CPNE8: variants seen among roughly 807,000 people sequenced by gnomAD.
The protein encoded by CPNE8 is copine 8, also known as copine-8.
A neutral mutation model predicts 81.5 loss-of-function variants in CPNE8; 45 were observed. The ratio of observed to expected loss-of-function variants is 0.55; its 90% CI spans 0.44 to 0.71. The LOEUF is 0.71. Among genes scored for constraint, CPNE8 ranks in the 30% least tolerant of loss-of-function variants. The probability of loss-of-function intolerance (pLI) is 0.00; values close to 1 mark genes in which losing one functional copy is unlikely to be tolerated. For missense variants in CPNE8, 594 were observed against 672.1 expected (o/e 0.88, Z 1.28); for synonymous variants, 252 against 226.3 (o/e 1.11, Z -1.02).
At position 38,653,214 on chromosome 12, in the gene CPNE8, A is replaced by C. The variant is rs1009286832; in HGVS notation, c.*668T>G. 2 of 152,644 alleles carry C rather than the reference A, an allele frequency of 1.3e-5. No individual in the cohort carries two copies. The highest frequency in any genetic ancestry group is 2.9e-5 in the Non-Finnish European group (2 of 68,044). 9.5% of individuals were successfully genotyped at this position (152,644 alleles called of 1,614,324 possible). On this transcript the variant is annotated 3_prime_UTR_variant, in exon 20 of 20. Transcript: ENST00000331366. ...CAAACTCCATGAAAAATGCATGTTC[A>C]ACCAGGAGACACATCTGCCGGGCTT...
At chr12:38,743,157 C>G (rs1215301845) in intron 10 of CPNE8, among the ~76,000 whole-genome samples, 1 of 151,924 alleles carries the variant, frequency 6.6e-6, no homozygotes, top group African/African-American at 2.4e-5. Context: ...ATCAAAAAAG[C>G]AAACCCGTTT....
At chr12:38,762,968 C>T (rs1230116149) in intron 8 of CPNE8, among the ~76,000 whole-genome samples, 1 of 152,174 alleles carries the variant, frequency 6.6e-6, no homozygotes, top group Non-Finnish European at 1.5e-5. Context: ...ATGCAATCCT[C>T]CTGCCTCAGC....
chr12:38,805,469 C>A (rs1458727880), intron 6 of CPNE8, among the ~76,000 whole-genome samples: 43 of 93,450 alleles, frequency 4.6e-4, no homozygotes, highest in African/African-American at 1.5e-3. Flanking sequence ...AATGAGATCA[C>A]ATGGACACAG....
intron 6 of CPNE8, among the ~76,000 whole-genome samples, chr12:38,796,465 T>C (rs527549874): frequency 6.6e-6 from 1 of 152,180 alleles, no homozygotes; most frequent in African/African-American, 2.4e-5. Context: ...CATCAAAGCA[T>C]AGTATATAAA....
intron 6 of CPNE8, among the ~76,000 whole-genome samples, chr12:38,828,900 G>A (rs1284078401): frequency 1.3e-5 from 2 of 152,128 alleles, no homozygotes; most frequent in Non-Finnish European, 2.9e-5. Context: ...TGAAGGTGAA[G>A]ATGGAATAGA....
At chr12:38,677,585 A>G (rs1446019131) in intron 16 of CPNE8, 31 bp from the exon 17 acceptor site, 1 of 1,313,698 alleles carries the variant, frequency 7.6e-7, no homozygotes, top group Non-Finnish European at 1.1e-6. Flanking sequence ...AAGGAAAGTA[A>G]AACAGTTTTC....
chr12:38,734,894 T>C (rs1304378690), intron 10 of CPNE8, among the ~76,000 whole-genome samples: 1 of 152,086 alleles, frequency 6.6e-6, no homozygotes, highest in Non-Finnish European at 1.5e-5. Context: ...TATTTTGGAG[T>C]TACACACGCA....
chr12:38,725,070 A>G (rs985337159), intron 11 of CPNE8, among the ~76,000 whole-genome samples, 171 bp from the exon 12 acceptor site: 8 of 152,194 alleles, frequency 5.3e-5, no homozygotes, highest in Non-Finnish European at 7.4e-5. Context: ...ACTTCTCTGC[A>G]AAAGTTAATA....
intron 6 of CPNE8, among the ~76,000 whole-genome samples, chr12:38,783,013 T>C (rs559386194): frequency 6.6e-6 from 1 of 152,294 alleles, no homozygotes; most frequent in East Asian, 1.9e-4. Context: ...GTTGAAATTA[T>C]ATCAGAAAAG....
At chr12:38,781,438 G>A (rs1310072540) in intron 6 of CPNE8, among the ~76,000 whole-genome samples, 1 of 151,902 alleles carries the variant, frequency 6.6e-6, no homozygotes, top group African/African-American at 2.4e-5. Context: ...CAAAAGAAAA[G>A]AATGGAAAGA....
intron 3 of CPNE8, among the ~76,000 whole-genome samples, chr12:38,870,123 A>C (rs1278331000): frequency 2.0e-5 from 3 of 152,256 alleles, no homozygotes; most frequent in Non-Finnish European, 4.4e-5. Context: ...TGATCATTAA[A>C]AAGTCAGGAA....
chr12:38,776,242 C>G lies in CPNE8; in HGVS notation c.467G>C (p.Cys156Ser), dbSNP rs202229702. ...IILTAEELNC[C>S]RDAVLMQFCA... ...ACCAAAGAAATATTTACTTACCCTG[C>G]AACAGTTTAATTCCTCTGCTGTAAG... is the stretch of plus-strand genomic sequence containing the variant. The change falls in exon 7 of 20, where the codon TGC becomes TCC. Residue 156 changes from cysteine to serine, a missense_variant. Physicochemically the swap from Cys to Ser is moderately radical, Grantham distance 112. Transcript: ENST00000331366. The G allele has an allele frequency of 6.5e-7, 1 of 1,537,650 alleles. No individual in the cohort carries two copies. Among genetic ancestry groups the G allele is most frequent in the East Asian group, 2.3e-5 (1 of 43,820 alleles).
chr12:38,807,338 C>T lies in CPNE8; in HGVS notation c.407+22041G>A, dbSNP rs558687126. 4.8e-3 allele frequency among the ~76,000 whole-genome samples: 712 copies of T among 148,618 alleles called. 5 individuals are homozygous for T. The highest frequency in any genetic ancestry group is 0.017 in the African/African-American group (680 of 40,878). ...AACAAAGCTGGAGGCATCACACTAC[C>T]TGACTTCAAACTATACTACAAGGCT... On this transcript the variant is annotated intron_variant, in intron 6 of 19. Coordinates refer to ENST00000331366, the MANE Select transcript of CPNE8 (RefSeq NM_153634.3).
intron 1 of CPNE8, among the ~76,000 whole-genome samples, chr12:38,902,307 GGAAGGAAGGAAAGAAA>G (rs1266661525): frequency 1.6e-4 from 5 of 31,738 alleles, no homozygotes; most frequent in East Asian, 5.9e-4. Context: ...AAGGAAGGAA[GGAAGGAAGGAAAGAAA>G]GAAAGAAAGA....
At chr12:38,684,064 C>A (rs1051415516) in intron 16 of CPNE8, among the ~76,000 whole-genome samples, 6 of 152,056 alleles carry the variant, frequency 3.9e-5, no homozygotes, top group Admixed American at 3.9e-4. Context: ...CAAAAGAATT[C>A]TTGTCATTTT....
At chr12:38,661,683 C>T (rs559329881) in intron 19 of CPNE8, among the ~76,000 whole-genome samples, 1 of 152,136 alleles carries the variant, frequency 6.6e-6, no homozygotes, top group East Asian at 1.9e-4. Flanking sequence ...GATACCAAAA[C>T]CAGACAAGGA....
At chr12:38,696,124 G>GCTGGC (rs1473207763) in intron 14 of CPNE8, among the ~76,000 whole-genome samples, 1 of 152,078 alleles carries the variant, frequency 6.6e-6, no homozygotes, top group African/African-American at 2.4e-5. Flanking sequence ...AACATGCATA[G>GCTGGC]CTGGGCCCTT....
In CPNE8 at chr12:38,733,951, T is replaced by A. The variant is rs147433341; in HGVS notation, c.723-3593A>T. 2.6e-5 allele frequency among the ~76,000 whole-genome samples: 4 copies of A among 152,064 alleles called. No individual in the cohort carries two copies. In the East Asian group the frequency reaches 7.7e-4, roughly 29 times the overall value. ...CCTCTACTTTTGGGGTATTACTCCC[T>A]TATATCACTTATCTTTTACTCTACA... On this transcript the variant is annotated intron_variant, in intron 10 of 19. Transcript: ENST00000331366.
chr12:38,661,894 A>T (rs1019125347), intron 19 of CPNE8, among the ~76,000 whole-genome samples: 1 of 122,584 alleles, frequency 8.2e-6, no homozygotes, highest in Non-Finnish European at 1.9e-5. Flanking sequence ...AACAGAATGC[A>T]AGCAAAAAAA....
Sources: allele counts gnomAD v4.1 joint callset (sites outside exome capture counted in the v4.1 genomes callset), GRCh38; gene constraint gnomAD v4.1.1; transcripts MANE v1.5; gene names NCBI Gene and HGNC (gene_info 2026-07-23, HGNC 2026-07-21).